SUGCT: variants seen among roughly 807,000 people sequenced by gnomAD.
The protein encoded by SUGCT is succinyl-CoA:glutarate-CoA transferase, also known as succinyl-CoA:glutarate CoA-transferase.
A neutral mutation model predicts 55.0 loss-of-function variants in SUGCT; 41 were observed. That is an observed-to-expected ratio of 0.74 (90% CI 0.58 to 0.97). SUGCT has a LOEUF of 0.97. Among genes scored for constraint, SUGCT ranks in the 50% least tolerant of loss-of-function variants. SUGCT has a pLI of 0.00. For missense variants in SUGCT, 568 were observed against 547.8 expected, an observed-to-expected ratio of 1.04 and a Z score of -0.37; for synonymous variants, 187 against 200.4, an observed-to-expected ratio of 0.93 and a Z score of 0.56.
At chr7:40,753,490 T>A (rs1214588993) in intron 13 of SUGCT, among the ~76,000 whole-genome samples, 1 of 152,212 alleles carries the variant, frequency 6.6e-6, no homozygotes, top group Non-Finnish European at 1.5e-5. Flanking sequence ...CAATCCTTAT[T>A]AGGATTGTTA....
At chr7:40,802,019 A>C (rs1318255821) in intron 13 of SUGCT, among the ~76,000 whole-genome samples, 1 of 151,804 alleles carries the variant, frequency 6.6e-6, no homozygotes, top group South Asian at 2.1e-4. Flanking sequence ...TAAAACAAAA[A>C]CTATTTCCTA....
the SUGCT span, among the ~76,000 whole-genome samples, chr7:40,896,262 A>G: frequency 5.3e-5 from 8 of 152,234 alleles, no homozygotes; most frequent in Admixed American, 1.3e-4. Flanking sequence ...AATTTAAAAA[A>G]CCTTAAGAAT....
chr7:40,185,250 C>T (rs1366456952), intron 3 of SUGCT, among the ~76,000 whole-genome samples: 1 of 152,204 alleles, frequency 6.6e-6, no homozygotes, highest in African/African-American at 2.4e-5. Context: ...TGCAGCACTA[C>T]AACCATTGGT....
At chr7:40,515,743 A>C (rs78869985) in intron 12 of SUGCT, among the ~76,000 whole-genome samples, 1 of 152,168 alleles carries the variant, frequency 6.6e-6, no homozygotes, top group Admixed American at 6.5e-5. Flanking sequence ...ATTGTATCCA[A>C]ATTTGGGCTA....
chr7:40,182,944 G>A (rs1785299118), intron 3 of SUGCT, among the ~76,000 whole-genome samples: 2 of 152,152 alleles, frequency 1.3e-5, no homozygotes, highest in South Asian at 4.1e-4. Context: ...GGGTACAGAA[G>A]AAGGAGAGAA....
intron 12 of SUGCT, among the ~76,000 whole-genome samples, chr7:40,513,864 A>G (rs1029604147): frequency 2.2e-5 from 3 of 137,154 alleles, no homozygotes; most frequent in African/African-American, 8.4e-5. Flanking sequence ...ATCTCGGCTC[A>G]CTGCAAACTC....
At chr7:40,952,102 G>C in the SUGCT span, among the ~76,000 whole-genome samples, 2 of 152,228 alleles carry the variant, frequency 1.3e-5, no homozygotes, top group Admixed American at 1.3e-4. Context: ...CTCTTTGTAG[G>C]TCTCTAAGGA....
At chr7:40,808,056 C>T (rs76391180) in intron 13 of SUGCT, 2,259 of 152,258 alleles carry the variant, frequency 0.015, 143 homozygotes, top group East Asian at 0.096. Flanking sequence ...ATAGACACAC[C>T]GAGGAACAAT....
At chr7:40,798,229 T>C (rs1045223186) in intron 13 of SUGCT, among the ~76,000 whole-genome samples, 14 of 152,228 alleles carry the variant, frequency 9.2e-5, no homozygotes, top group Non-Finnish European at 5.9e-5. Flanking sequence ...TAGGCTCATA[T>C]TTATCTTTTA....
chr7:40,234,812 G>T (rs1025181398), intron 6 of SUGCT, among the ~76,000 whole-genome samples: 4 of 152,086 alleles, frequency 2.6e-5, no homozygotes, highest in African/African-American at 9.7e-5. Context: ...GGGAGGCTGA[G>T]GGGGGAGAAT....
chr7:40,439,087 T>C, intron 9 of SUGCT, among the ~76,000 whole-genome samples: 1 of 123,446 alleles, frequency 8.1e-6, no homozygotes, highest in East Asian at 2.5e-4. Flanking sequence ...TATATATATA[T>C]ATATATATAT....
At chr7:40,627,072 C>T (rs1357731292) in intron 12 of SUGCT, among the ~76,000 whole-genome samples, 1 of 152,130 alleles carries the variant, frequency 6.6e-6, no homozygotes, top group Non-Finnish European at 1.5e-5. Flanking sequence ...TTATCCCACT[C>T]CTACTTTTGG....
At chr7:40,568,211 A>G (rs563430412) in intron 12 of SUGCT, among the ~76,000 whole-genome samples, 75 of 152,288 alleles carry the variant, frequency 4.9e-4, no homozygotes, top group Non-Finnish European at 9.1e-4. Context: ...AAGTTAGTCA[A>G]ACGGCTATTT....
At chr7:40,377,085 T>G in intron 9 of SUGCT, among the ~76,000 whole-genome samples, 1 of 46,490 alleles carries the variant, frequency 2.2e-5, no homozygotes, top group Non-Finnish European at 7.5e-5. Context: ...TCAATCTGTG[T>G]TTATGTCTTT....
At chr7:40,334,707 G>T (rs557577582) in intron 9 of SUGCT, among the ~76,000 whole-genome samples, 60 of 152,308 alleles carry the variant, frequency 3.9e-4, no homozygotes, top group Middle Eastern at 3.4e-3. Flanking sequence ...TAGGTTGCCT[G>T]TTCACTCTGA....
intron 7 of SUGCT, among the ~76,000 whole-genome samples, chr7:40,264,162 A>G (rs774721111): frequency 2.6e-5 from 4 of 152,184 alleles, no homozygotes; most frequent in Non-Finnish European, 5.9e-5. Context: ...CAACTCGTGT[A>G]CTTTCCTGCT....
chr7:40,684,160 T>A (rs549515644), intron 12 of SUGCT: 1 of 1,562,170 alleles, frequency 6.4e-7, no homozygotes, highest in Non-Finnish European at 8.6e-7. Context: ...TCTTACTACA[T>A]CTCACTTCCT....
At chr7:40,373,042 G>A (rs890178667) in intron 9 of SUGCT, among the ~76,000 whole-genome samples, 6 of 151,874 alleles carry the variant, frequency 4.0e-5, no homozygotes, top group African/African-American at 1.4e-4. Context: ...TGGCTTAATT[G>A]TGTATCATAG....
At chr7:40,901,984 G>T in the SUGCT span, among the ~76,000 whole-genome samples, 1 of 152,134 alleles carries the variant, frequency 6.6e-6, no homozygotes, top group Non-Finnish European at 1.5e-5. Context: ...AGAGAGCTTG[G>T]GTTAAAACAC....
Sources: gnomAD v4.1 joint callset for allele counts (sites outside exome capture counted in the v4.1 genomes callset) on GRCh38, gnomAD v4.1.1 for gene constraint, MANE v1.5 for transcripts, NCBI Gene and HGNC (gene_info 2026-07-23, HGNC 2026-07-21) for gene names.